Variants in CDH12 observed in about 807,000 individuals in gnomAD.
The protein encoded by CDH12 is cadherin 12, also known as cadherin-12.
CDH12 carries 41 observed loss-of-function variants against 74.1 expected under a neutral mutation model. The observed-to-expected ratio is 0.55, with a 90% CI of 0.43 to 0.72. The LOEUF (loss-of-function observed/expected upper bound fraction) is 0.72. Ranked by LOEUF, CDH12 falls within the 30% of genes least tolerant of loss-of-function variation. The pLI is 0.00. For synonymous variants in CDH12, 399 were observed against 355.0 expected (o/e 1.12, Z -1.39); for missense variants, 945 against 977.2 (o/e 0.97, Z 0.44).
chr5:22,078,513 C>T lies in CDH12; in HGVS notation c.164G>A (p.Gly55Asp). 4 of 1,613,950 alleles carry T rather than the reference C, an allele frequency of 2.5e-6. No individual in the cohort carries two copies. The highest frequency in any genetic ancestry group is 3.4e-6 in the Non-Finnish European group (4 of 1,179,860). ...CACAAAAAATTGATTCCATACCCAG[C>T]CACGTTTAACACGTTGGAAATGTGA... ...QRSHFQRVKR[G>D]WVWNQFFVLE... is the part of the protein sequence containing the mutation. The change falls in exon 5 of 15, where the codon GGC becomes GAC. Residue 55 changes from glycine to aspartate, a missense_variant. Coordinates refer to ENST00000382254, the MANE Select transcript of CDH12 (RefSeq NM_004061.5).
intron 1 of CDH12, among the ~76,000 whole-genome samples, chr5:22,787,156 A>ACACC (rs1448104370): frequency 6.6e-6 from 1 of 151,876 alleles, no homozygotes; most frequent in African/African-American, 2.4e-5. Context: ...ACACACACAC[A>ACACC]CACCCCACAG....
At chr5:22,156,608 TAC>T (rs1748037013) in intron 4 of CDH12, among the ~76,000 whole-genome samples, 1 of 152,024 alleles carries the variant, frequency 6.6e-6, no homozygotes, top group Non-Finnish European at 1.5e-5. Flanking sequence ...GACTGAAAAA[TAC>T]AGTTTTTACA....
intron 4 of CDH12, among the ~76,000 whole-genome samples, chr5:22,207,418 T>C (rs568472669): frequency 1.3e-4 from 20 of 152,310 alleles, no homozygotes; most frequent in Admixed American, 3.9e-4. Context: ...ACTCTGGCTT[T>C]GTGGCTTGCA....
At chr5:22,843,331 C>A (rs1434900103) in intron 1 of CDH12, among the ~76,000 whole-genome samples, 1 of 151,952 alleles carries the variant, frequency 6.6e-6, no homozygotes, top group Non-Finnish European at 1.5e-5. Context: ...CAGAATATGG[C>A]ACAATGTTCT....
chr5:22,754,654 T>C (rs1374885669), intron 1 of CDH12, among the ~76,000 whole-genome samples: 1 of 150,902 alleles, frequency 6.6e-6, no homozygotes, highest in Non-Finnish European at 1.5e-5. Context: ...AGCAGAGACA[T>C]AACGGCACAA....
chr5:22,754,572 A>C (rs1745785655), intron 1 of CDH12, among the ~76,000 whole-genome samples: 1 of 6,852 alleles, frequency 1.5e-4, no homozygotes, highest in African/African-American at 4.8e-4. Context: ...AAGCAGACAA[A>C]AAAAAAAAAA....
intron 2 of CDH12, among the ~76,000 whole-genome samples, chr5:22,485,641 C>T (rs1052289249): frequency 6.6e-6 from 1 of 152,026 alleles, no homozygotes; most frequent in Non-Finnish European, 1.5e-5. Flanking sequence ...CTTTTCTGTT[C>T]TCTTTAGCCT....
intron 1 of CDH12, among the ~76,000 whole-genome samples, chr5:22,851,545 C>T (rs1000253078): frequency 6.6e-6 from 1 of 152,002 alleles, no homozygotes; most frequent in African/African-American, 2.4e-5. Flanking sequence ...AATTGAAAAC[C>T]TCTTTTTACT....
At chr5:21,884,530 A>T (rs1355258251) in intron 6 of CDH12, among the ~76,000 whole-genome samples, 1 of 152,160 alleles carries the variant, frequency 6.6e-6, no homozygotes, top group Non-Finnish European at 1.5e-5. Flanking sequence ...TGTATTTTTG[A>T]ATAAAAAACA....
intron 1 of CDH12, among the ~76,000 whole-genome samples, chr5:22,556,326 A>C (rs1416711842): frequency 1.3e-5 from 2 of 152,102 alleles, no homozygotes; most frequent in Non-Finnish European, 2.9e-5. Flanking sequence ...AATATGTGTT[A>C]AATAAAAATT....
At chr5:21,809,381 A>G (rs955176015) in intron 9 of CDH12, among the ~76,000 whole-genome samples, 5 of 152,138 alleles carry the variant, frequency 3.3e-5, no homozygotes, top group Admixed American at 6.6e-5. Flanking sequence ...CACATACTAT[A>G]AATGCTGAAA....
intron 3 of CDH12, among the ~76,000 whole-genome samples, chr5:22,301,908 A>G (rs1737899774): frequency 2.0e-5 from 3 of 151,792 alleles, no homozygotes; most frequent in African/African-American, 7.3e-5. Context: ...AGCTCAAGCA[A>G]TCTGCCCACT....
intron 4 of CDH12, among the ~76,000 whole-genome samples, chr5:22,196,979 T>G (rs1750654774): frequency 6.6e-6 from 1 of 152,120 alleles, no homozygotes; most frequent in Non-Finnish European, 1.5e-5. Context: ...ATCTGGGTGA[T>G]GAAACAATCT....
intron 7 of CDH12, among the ~76,000 whole-genome samples, chr5:21,847,616 AC>A (rs1266788659): frequency 1.3e-5 from 2 of 151,812 alleles, no homozygotes; most frequent in Non-Finnish European, 2.9e-5. Context: ...GCATACAAGA[AC>A]CCTTGTGATT....
At chr5:22,334,495 G>T (rs1258061549) in intron 3 of CDH12, among the ~76,000 whole-genome samples, 3 of 152,008 alleles carry the variant, frequency 2.0e-5, no homozygotes, top group Non-Finnish European at 4.4e-5. Context: ...CATAGAAATA[G>T]AAAAAACAAT....
chr5:22,709,831 T>G (rs1040309309), intron 1 of CDH12, among the ~76,000 whole-genome samples: 12 of 152,208 alleles, frequency 7.9e-5, no homozygotes, highest in African/African-American at 2.9e-4. Context: ...GAAAGTTCTG[T>G]GTCTATGATT....
intron 1 of CDH12, among the ~76,000 whole-genome samples, chr5:22,776,993 C>T (rs941102337): frequency 6.6e-6 from 1 of 152,108 alleles, no homozygotes; most frequent in Admixed American, 6.6e-5. Context: ...GAGTTATTGT[C>T]TTCCACACCT....
At chr5:21,815,861 T>C (rs1485497431) in intron 9 of CDH12, among the ~76,000 whole-genome samples, 1 of 152,178 alleles carries the variant, frequency 6.6e-6, no homozygotes, top group Non-Finnish European at 1.5e-5. Context: ...TACTTCTCAA[T>C]CTTGTTTTTA....
chr5:22,163,339 C>T (rs1748475381), intron 4 of CDH12, among the ~76,000 whole-genome samples: 1 of 152,268 alleles, frequency 6.6e-6, no homozygotes, highest in South Asian at 2.1e-4. Flanking sequence ...CAGACTCCCT[C>T]CATTCCTGTA....
Sources: gnomAD v4.1 joint callset for allele counts (sites outside exome capture counted in the v4.1 genomes callset) on GRCh38, gnomAD v4.1.1 for gene constraint, MANE v1.5 for transcripts, NCBI Gene and HGNC (gene_info 2026-07-23, HGNC 2026-07-21) for gene names.